Variants in IL15RA observed in about 807,000 individuals in gnomAD.
IL15RA encodes the protein interleukin 15 receptor subunit alpha.
A neutral mutation model predicts 24.2 loss-of-function variants in IL15RA; 26 were observed. The observed-to-expected ratio is 1.07, with a 90% CI of 0.79 to 1.49. The LOEUF is 1.49. IL15RA is among the 40% of genes most tolerant of loss of function. The pLI, the probability that IL15RA is intolerant of heterozygous loss-of-function variation, is 0.00. For missense variants in IL15RA, 354 were observed against 356.4 expected (o/e 0.99, Z 0.05); for synonymous variants, 166 against 157.6 (o/e 1.05, Z -0.40).
In IL15RA at chr10:5,959,129, G is replaced by C. The variant is rs891533676; in HGVS notation, c.616+625C>G. ...CTTCTGTAAAGAGGAGCAGATTTTTGGTTTTATTTTGTTTTGTTAACTTTT... is the reference window on the plus strand; with the variant it reads ...CTTCTGTAAAGAGGAGCAGATTTTTCGTTTTATTTTGTTTTGTTAACTTTT... On this transcript the variant is annotated intron_variant, in intron 5 of 6. Coordinates refer to ENST00000379977, the MANE Select transcript of IL15RA (RefSeq NM_002189.4). This position sits in a 1 kb window ranked among gnomAD's most constrained non-coding sequence, Gnocchi z 4.1. Among the ~76,000 whole-genome samples, 1 of 147,270 alleles carries C rather than the reference G, an allele frequency of 6.8e-6. No individual in the cohort carries two copies. The highest frequency in any genetic ancestry group is 1.5e-5 in the Non-Finnish European group (1 of 66,270).
chr10:5,972,304 T>C (rs1185161383), intron 1 of IL15RA, among the ~76,000 whole-genome samples: 1 of 152,186 alleles, frequency 6.6e-6, no homozygotes, highest in Non-Finnish European at 1.5e-5. Context: ...CTGATATGAC[T>C]CCCACGATAT....
At chr10:5,978,669 G>A (rs1838785843), upstream of IL15RA, among the ~76,000 whole-genome samples, 1 of 152,180 alleles carries the variant, frequency 6.6e-6, no homozygotes, top group African/African-American at 2.4e-5. This position sits in a 1 kb window ranked among gnomAD's most constrained non-coding sequence, Gnocchi z 5.2. Flanking sequence ...GCCAAGGCAG[G>A]TGGATCGCCT....
chr10:5,953,465 G>T lies in IL15RA; in HGVS notation c.693-259C>A. ...TGCCTGTAATCCTAGCACTTTAGGA[G>T]GCTGTCGTGGGAGGATCGCTTGAGC... On this transcript the variant is annotated intron_variant, in intron 6 of 6. Transcript: ENST00000379977. The surrounding 1 kb of genome is among the most constrained non-coding windows in gnomAD (Gnocchi z 5.3). 1 of 658,474 alleles carries T rather than the reference G, an allele frequency of 1.5e-6. No homozygotes were observed. The highest frequency in any genetic ancestry group is 2.7e-6 in the Non-Finnish European group (1 of 363,904). 40.8% of individuals were successfully genotyped at this position (658,474 alleles called of 1,614,324 possible). A position where few individuals can be genotyped will look rare whatever the true frequency, so the allele number is the denominator to read the frequency against.
rs1247695611 is a variant in IL15RA, at chr10:5,955,207, C to A, written c.692+1172G>T. On this transcript the variant is annotated intron_variant, in intron 6 of 6. Transcript: ENST00000379977. This position sits in a 1 kb window ranked among gnomAD's most constrained non-coding sequence, Gnocchi z 5.3. The stretch of plus-strand genomic sequence containing the variant: ...CTCCGCCTCCCTGGTTCAAGCAATT[C>A]TCCTGTCTCAGCCTCCCTAGTAGCT... Among the ~76,000 whole-genome samples, 1 of 151,660 alleles carries A rather than the reference C, an allele frequency of 6.6e-6. No homozygotes were observed. The highest frequency in any genetic ancestry group is 1.5e-5 in the Non-Finnish European group (1 of 67,984).
chr10:5,966,962 T>TG lies in IL15RA; in HGVS notation c.89-624dup, dbSNP rs1265300547. ...ACTCTAGCCTGGGAGTTGGCCAGGC[T>TG]GGTCTTGAACTCCTAACCTCAAATG... On this transcript the variant is annotated intron_variant, in intron 1 of 6. Transcript: ENST00000379977. This position sits in a 1 kb window ranked among gnomAD's most constrained non-coding sequence, Gnocchi z 6.4. 3.3e-5 allele frequency among the ~76,000 whole-genome samples: 5 copies of TG among 151,966 alleles called. No homozygotes were observed. Among genetic ancestry groups the TG allele is most frequent in the African/African-American group, 1.2e-4 (5 of 41,408 alleles).
chr10:5,977,751 T>G, upstream of IL15RA: 1 of 853,202 alleles, frequency 1.2e-6, no homozygotes, highest in Non-Finnish European at 1.6e-6. Context: ...GCATGGGCCG[T>G]GCCCGGTGGG....
rs1837888521 is a variant in IL15RA, at chr10:5,973,183, A to G, written c.88+4222T>C. 6.6e-6 allele frequency among the ~76,000 whole-genome samples: 1 copy of G among 152,250 alleles called. No homozygotes were observed. The highest frequency in any genetic ancestry group is 1.5e-5 in the Non-Finnish European group (1 of 68,042). On this transcript the variant is annotated intron_variant, in intron 1 of 6. Transcript: ENST00000379977. The surrounding 1 kb of genome is among the most constrained non-coding windows in gnomAD (Gnocchi z 4.5). ...CCCTGCACATCAGGCCTTTTAAATAAGAACAGACTGGCAACAACTTGTTGT... is the reference window on the plus strand; with the variant it reads ...CCCTGCACATCAGGCCTTTTAAATAGGAACAGACTGGCAACAACTTGTTGT...
downstream of IL15RA, among the ~76,000 whole-genome samples, chr10:5,951,860 A>C (rs575749292): frequency 6.6e-6 from 1 of 152,070 alleles, no homozygotes; most frequent in South Asian, 2.1e-4. Context: ...GGGTCTCACT[A>C]TGTTGCCCAG....
chr10:5,966,041 C>T lies in IL15RA; in HGVS notation c.283+104G>A, dbSNP rs1836464472. 1 of 801,398 alleles carries T rather than the reference C, an allele frequency of 1.2e-6. No homozygotes were observed. The highest frequency in any genetic ancestry group is 1.8e-5 in the South Asian group (1 of 55,918). The allele number at this position is 801,398 out of a possible 1,614,324, so 49.6% of individuals were successfully genotyped here. On this transcript the variant is annotated intron_variant, in intron 2 of 6. Transcript: ENST00000379977. The surrounding 1 kb of genome is among the most constrained non-coding windows in gnomAD (Gnocchi z 6.4). ...CGGCCCCCACTGGTGTGTTTAGCCT[C>T]AGACCTCAGCACAGATCCCTTGACC...
At position 5,968,252 on chromosome 10, in the gene IL15RA, C is replaced by T. The variant is rs564775899; in HGVS notation, c.89-1913G>A. Among the ~76,000 whole-genome samples, 36 of 150,268 alleles carry T rather than the reference C, an allele frequency of 2.4e-4. 1 individual carries two copies. The South Asian group carries it at 6.0e-3, about 25-fold the overall frequency. On this transcript the variant is annotated intron_variant, in intron 1 of 6. Coordinates refer to ENST00000379977, the MANE Select transcript of IL15RA (RefSeq NM_002189.4). This position sits in a 1 kb window ranked among gnomAD's most constrained non-coding sequence, Gnocchi z 5.4. The stretch of plus-strand genomic sequence containing the variant: ...AAGAGAGCCATCACCTAAGTCCACA[C>T]AAAAACATCCCAAACCTCACTAACA...
In IL15RA at chr10:5,975,561, G is replaced by A. The variant is rs1037544392; in HGVS notation, c.88+1844C>T. On this transcript the variant is annotated intron_variant, in intron 1 of 6. Transcript: ENST00000379977. The surrounding 1 kb of genome is among the most constrained non-coding windows in gnomAD (Gnocchi z 4.8). ...CTTCAATATATGCAGTTTATTGTCG[G>A]TCAATTATACCTCAATAAGGCTGTT... is the stretch of plus-strand genomic sequence containing the variant. Among the ~76,000 whole-genome samples, 1 of 150,388 alleles carries A rather than the reference G, an allele frequency of 6.6e-6. No individual in the cohort carries two copies. The highest frequency in any genetic ancestry group is 2.5e-5 in the African/African-American group (1 of 40,810).
At position 5,959,170 on chromosome 10, in the gene IL15RA, C is replaced by CTTTTTCT. The variant is rs1554818599; in HGVS notation, c.616+583_616+584insAGAAAAA. On this transcript the variant is annotated intron_variant, in intron 5 of 6. Transcript: ENST00000379977. This position sits in a 1 kb window ranked among gnomAD's most constrained non-coding sequence, Gnocchi z 4.1. ...GTTAACTTTTTTTCTTTTTCTTTTT[C>CTTTTTCT]TTTTTTTTTTTTTTTAATAGAGATG... is the stretch of plus-strand genomic sequence containing the variant. Among the ~76,000 whole-genome samples the CTTTTTCT allele has an allele frequency of 7.2e-6, 1 of 138,222 alleles. No individual in the cohort carries two copies. The highest frequency in any genetic ancestry group is 1.6e-5 in the Non-Finnish European group (1 of 63,264). 90.7% of individuals were successfully genotyped at this position (138,222 alleles called of 152,430 possible).
Position 5,956,471 on chromosome 10 carries a change from C to T in IL15RA, c.617-17G>A, listed in dbSNP as rs771511197. On this transcript the variant is annotated splice_polypyrimidine_tract_variant and intron_variant, in intron 5 of 6. Coordinates refer to ENST00000379977, the MANE Select transcript of IL15RA (RefSeq NM_002189.4). The stretch of plus-strand genomic sequence containing the variant: ...AGATAGCCACTGAAAGGGAGGAGAC[C>T]ACGCTGAGATACCCAGAAGCACATT... The T allele has an allele frequency of 1.9e-6, 3 of 1,594,390 alleles. No individual in the cohort carries two copies. The South Asian group carries it at 3.3e-5, about 18-fold the overall frequency.
Position 5,963,913 on chromosome 10 carries a change from C to T in IL15RA, c.284-72G>A. 1.1e-6 allele frequency: 1 copy of T among 904,072 alleles called. No individual in the cohort carries two copies. The highest frequency in any genetic ancestry group is 1.7e-6 in the Non-Finnish European group (1 of 600,780). The allele number at this position is 904,072 out of a possible 1,614,324, so 56.0% of individuals were successfully genotyped here. On this transcript the variant is annotated intron_variant, in intron 2 of 6. Coordinates refer to ENST00000379977, the MANE Select transcript of IL15RA (RefSeq NM_002189.4). This position sits in a 1 kb window ranked among gnomAD's most constrained non-coding sequence, Gnocchi z 5.3. ...CCTGGGCTGGCTTCAGAACGGGATA[C>T]AAATAAAATATATCAACACATGAAC...
At chr10:5,969,024 T>G in intron 1 of IL15RA, 2 of 1,500,044 alleles carry the variant, frequency 1.3e-6, no homozygotes, top group Non-Finnish European at 1.8e-6. Flanking sequence ...AAGGACTAAG[T>G]GTATTGTGTG....
rs1834079434 is a variant in IL15RA at position 5,953,391 on chromosome 10, C to T, written c.693-185G>A. On this transcript the variant is annotated intron_variant, in intron 6 of 6. Transcript: ENST00000379977. The surrounding 1 kb of genome is among the most constrained non-coding windows in gnomAD (Gnocchi z 5.3). Reference sequence around the variant, plus strand: ...GATGGAGAGAACCTAGAATGCCTACCTCTACCGAGTGTATTAAATCCTATC... The same window carrying T: ...GATGGAGAGAACCTAGAATGCCTACTTCTACCGAGTGTATTAAATCCTATC... 1.4e-6 allele frequency: 1 copy of T among 712,234 alleles called. No individual in the cohort carries two copies. The highest frequency in any genetic ancestry group is 2.6e-6 in the Non-Finnish European group (1 of 385,362). 44.1% of individuals were successfully genotyped at this position (712,234 alleles called of 1,614,324 possible). A position where few individuals can be genotyped will look rare whatever the true frequency, so the allele number is the denominator to read the frequency against.
At chr10:5,957,411 G>C (rs947032233) in intron 5 of IL15RA, among the ~76,000 whole-genome samples, 7 of 151,954 alleles carry the variant, frequency 4.6e-5, no homozygotes, top group African/African-American at 1.7e-4. Flanking sequence ...GAGTAGCTGG[G>C]ACTACAGGCA....
At chr10:5,976,940 A>C in intron 1 of IL15RA, 1 of 152,854 alleles carries the variant, frequency 6.5e-6, no homozygotes, top group Non-Finnish European at 1.5e-5. Flanking sequence ...TCCCACTGAC[A>C]TAATTTACTT....
At position 5,955,270 on chromosome 10, in the gene IL15RA, TGTATTTTTA is replaced by T. The variant is rs1438147885; in HGVS notation, c.692+1100_692+1108del. Among the ~76,000 whole-genome samples, 4 of 152,066 alleles carry T rather than the reference TGTATTTTTA, an allele frequency of 2.6e-5. No individual in the cohort carries two copies. The highest frequency in any genetic ancestry group is 5.9e-5 in the Non-Finnish European group (4 of 68,020). ...ATGCACCACCATGGCCTGCTTATTT[TGTATTTTTA>T]GTAGAGACAGGGTTTCTCCATGTTG... On this transcript the variant is annotated intron_variant, in intron 6 of 6. Coordinates refer to ENST00000379977, the MANE Select transcript of IL15RA (RefSeq NM_002189.4). This position sits in a 1 kb window ranked among gnomAD's most constrained non-coding sequence, Gnocchi z 5.3.
Sources: allele counts gnomAD v4.1 joint callset (sites outside exome capture counted in the v4.1 genomes callset), GRCh38; gene constraint gnomAD v4.1.1; non-coding constraint Gnocchi (gnomAD v3.1); transcripts MANE v1.5; gene names NCBI Gene and HGNC (gene_info 2026-07-23, HGNC 2026-07-21).